The following BICRA variants were observed in gnomAD, a reference collection of about 807,000 sequenced individuals.
The protein encoded by BICRA is BRD4 interacting chromatin remodeling complex associated protein.
Under a neutral mutation model 96.9 loss-of-function variants are expected in BICRA, and 31 were observed. The ratio of observed to expected loss-of-function variants is 0.32; its 90% CI spans 0.24 to 0.43. The LOEUF is 0.43. Ranked by LOEUF, BICRA falls within the 20% of genes least tolerant of loss-of-function variation. BICRA has a pLI of 1.00. For synonymous variants in BICRA, 1,350 were observed against 1,071.8 expected (o/e 1.26, Z -5.07); for missense variants, 2,283 against 2,190.3 (o/e 1.04, Z -0.84).
rs559295966 is a variant in BICRA, at chr19:47,680,635, C to G, written c.1465C>G (p.Leu489Val). 1 of 1,610,152 alleles carries G rather than the reference C, an allele frequency of 6.2e-7. No individual in the cohort carries two copies. Among genetic ancestry groups the G allele is most frequent in the Non-Finnish European group, 8.5e-7 (1 of 1,178,434 alleles). Residue 489 changes from leucine to valine, a missense_variant, in exon 6 of 15, where the codon CTG (leucine) becomes GTG (valine). Coordinates refer to ENST00000594866, the MANE Select transcript of BICRA (RefSeq NM_001394372.1). The part of the protein sequence containing the change: ...AVQLPQQLSA[L>V]PANVGGQILA... ...CCAGCTCCCGCAGCAGCTCTCAGCCCTGCCGGCCAACGTGGGCGGGCAGAT... is the reference window on the plus strand; with the variant it reads ...CCAGCTCCCGCAGCAGCTCTCAGCCGTGCCGGCCAACGTGGGCGGGCAGAT...
intron 11 of BICRA, among the ~76,000 whole-genome samples, chr19:47,697,076 G>A (rs780355972): frequency 1.1e-4 from 17 of 152,040 alleles, no homozygotes; most frequent in Non-Finnish European, 2.2e-4. Context: ...GCACAATATT[G>A]GCTCACTGCA....
intron 1 of BICRA, among the ~76,000 whole-genome samples, chr19:47,633,786 T>G (rs1000117232): frequency 2.0e-5 from 3 of 152,170 alleles, no homozygotes; most frequent in Admixed American, 1.3e-4. Flanking sequence ...CTGTAGTGAG[T>G]CATCGGGTGA....
intron 1 of BICRA, among the ~76,000 whole-genome samples, chr19:47,667,022 C>CTTT (rs1045708307): frequency 7.0e-6 from 1 of 143,124 alleles, no homozygotes; most frequent in Non-Finnish European, 1.5e-5. Context: ...TGTCTTTTTT[C>CTTT]TTTTTTTTTT....
At chr19:47,646,421 C>A (rs928376296) in intron 1 of BICRA, among the ~76,000 whole-genome samples, 2 of 129,658 alleles carry the variant, frequency 1.5e-5, no homozygotes, top group African/African-American at 6.2e-5. Flanking sequence ...CAGCTCAGCC[C>A]GACACACATG....
intron 7 of BICRA, among the ~76,000 whole-genome samples, chr19:47,693,653 G>A (rs1308356473): frequency 2.0e-5 from 3 of 152,172 alleles, no homozygotes; most frequent in Admixed American, 6.5e-5. Context: ...GGGGGCTGGC[G>A]GCTGGGACGC....
Position 47,701,954 on chromosome 19 carries a change from A to G in BICRA, c.4222A>G (p.Arg1408Gly), listed in dbSNP as rs1973461507. The G allele has an allele frequency of 1.4e-6, 2 of 1,447,834 alleles. No individual in the cohort carries two copies. Among genetic ancestry groups the G allele is most frequent in the Non-Finnish European group, 1.8e-6 (2 of 1,110,822 alleles). The allele number at this position is 1,447,834 out of a possible 1,614,324, so 89.7% of individuals were successfully genotyped here. The change falls in exon 15 of 15, where the codon AGG becomes GGG. Residue 1408 changes from arginine to glycine, a missense_variant. Transcript: ENST00000594866. This position sits in a 1 kb window ranked among gnomAD's most constrained non-coding sequence, Gnocchi z 5.4. ...PGAPEGTPAG[R>G]ARGGSPAPLP... The stretch of plus-strand genomic sequence containing the variant: ...CGCGCCGGAGGGGACGCCCGCAGGC[A>G]GGGCACGGGGAGGCAGCCCGGCGCC...
chr19:47,681,186 T>C lies in BICRA; in HGVS notation c.2016T>C (p.Ser672=). 6.5e-7 allele frequency: 1 copy of C among 1,529,144 alleles called. No individual in the cohort carries two copies. The highest frequency in any genetic ancestry group is 8.8e-7 in the Non-Finnish European group (1 of 1,141,602). 94.7% of individuals were successfully genotyped at this position (1,529,144 alleles called of 1,614,324 possible). A position where few individuals can be genotyped will look rare whatever the true frequency, so the allele number is the denominator to read the frequency against. The change falls in exon 6 of 15, where the codon TCT becomes TCC. Residue 672 remains serine (S), a synonymous_variant. Transcript: ENST00000594866. ...TTPQPSPGLA[S]SPEKIVLGQP... is the part of the protein sequence containing the mutation. ...CCCAGCCCAGCCCTGGCCTGGCGTC[T>C]AGCCCGGAGAAGATCGTCCTGGGGC... is the stretch of plus-strand genomic sequence containing the variant.
At position 47,698,564 on chromosome 19, in the gene BICRA, GA is replaced by G; in HGVS notation, c.3249-69del. 1.3e-6 allele frequency: 1 copy of G among 741,146 alleles called. No homozygotes were observed. 45.9% of individuals were successfully genotyped at this position (741,146 alleles called of 1,614,324 possible). On this transcript the variant is annotated intron_variant, in intron 11 of 14. Transcript: ENST00000594866. The surrounding 1 kb of genome is among the most constrained non-coding windows in gnomAD (Gnocchi z 4.8). The stretch of plus-strand genomic sequence containing the variant: ...TGCGGCCTGGGGCTGAGGGTTCAGG[GA>G]CTTCCCCTGGCCCTCACCCGTCCCC...
chr19:47,680,652 C>A lies in BICRA; in HGVS notation c.1482C>A (p.Gly494=). Residue 494 remains glycine (G), a synonymous_variant, in exon 6 of 15, where the codon GGC becomes GGA. Coordinates refer to ENST00000594866, the MANE Select transcript of BICRA (RefSeq NM_001394372.1). ...QQLSALPANV[G]GQILAAAAPH... is the part of the protein sequence containing the mutation. Reference sequence around the variant, plus strand: ...TCTCAGCCCTGCCGGCCAACGTGGGCGGGCAGATCCTGGCGGCCGCTGCCC... The same window carrying A: ...TCTCAGCCCTGCCGGCCAACGTGGGAGGGCAGATCCTGGCGGCCGCTGCCC... 1 of 1,607,830 alleles carries A rather than the reference C, an allele frequency of 6.2e-7. No homozygotes were observed. Among genetic ancestry groups the A allele is most frequent in the Non-Finnish European group, 8.5e-7 (1 of 1,177,352 alleles).
chr19:47,643,749 C>T (rs999250497), intron 1 of BICRA, among the ~76,000 whole-genome samples: 4 of 152,162 alleles, frequency 2.6e-5, no homozygotes, highest in Non-Finnish European at 5.9e-5. Flanking sequence ...TCTGGACTCA[C>T]GAAATCCTGA....
At chr19:47,685,270 G>A (rs576714965) in intron 7 of BICRA, among the ~76,000 whole-genome samples, 5 of 152,238 alleles carry the variant, frequency 3.3e-5, no homozygotes, top group African/African-American at 9.6e-5. Flanking sequence ...ATGGACGTGA[G>A]CCACTGTGCC....
chr19:47,665,402 T>C (rs1388763047), intron 1 of BICRA, among the ~76,000 whole-genome samples: 1 of 152,178 alleles, frequency 6.6e-6, no homozygotes, highest in East Asian at 1.9e-4. Flanking sequence ...TGGGGGACAT[T>C]TCGGTAGAGG....
At chr19:47,664,791 C>G (rs1972752101) in intron 1 of BICRA, among the ~76,000 whole-genome samples, 1 of 152,200 alleles carries the variant, frequency 6.6e-6, no homozygotes, top group African/African-American at 2.4e-5. Context: ...GGCCACATGT[C>G]CGCCCTGTTC....
chr19:47,640,257 C>T (rs1972364009), intron 1 of BICRA, among the ~76,000 whole-genome samples: 1 of 152,152 alleles, frequency 6.6e-6, no homozygotes, highest in African/African-American at 2.4e-5. Flanking sequence ...CCTGGCTGGG[C>T]ACAATGGCTC....
At chr19:47,642,624 C>T (rs971330612) in intron 1 of BICRA, among the ~76,000 whole-genome samples, 1 of 152,108 alleles carries the variant, frequency 6.6e-6, no homozygotes, top group Non-Finnish European at 1.5e-5. Flanking sequence ...ACCTCTTGAG[C>T]CCTGGAGGTG....
In BICRA at chr19:47,685,786, T is replaced by TGTGTGTGTGTGTGTGCGC; in HGVS notation, c.2283+3635_2283+3636insTGTGTGTGTGTGTGCGCG. Among the ~76,000 whole-genome samples the TGTGTGTGTGTGTGTGCGC allele has an allele frequency of 1.5e-3, 172 of 117,962 alleles. 1 individual carries two copies. Among genetic ancestry groups the TGTGTGTGTGTGTGTGCGC allele is most frequent in the African/African-American group, 2.0e-3 (56 of 27,612 alleles). 77.4% of individuals were successfully genotyped at this position (117,962 alleles called of 152,430 possible). ...GTGTGTGTGTGTGTGTGTGTGTGTGTGCGCGCGCGCGCGCATGCGTACATT... is the reference window on the plus strand; with the variant it reads ...GTGTGTGTGTGTGTGTGTGTGTGTGTGTGTGTGTGTGTGTGCGCGCGCGCGCGCGCGCATGCGTACATT... On this transcript the variant is annotated intron_variant, in intron 7 of 14. Transcript: ENST00000594866.
chr19:47,669,529 T>C (rs1052728887), intron 1 of BICRA, among the ~76,000 whole-genome samples: 1 of 152,136 alleles, frequency 6.6e-6, no homozygotes, highest in Non-Finnish European at 1.5e-5. Flanking sequence ...ATATACTATG[T>C]GTATACATAG....
At chr19:47,671,031 C>T (rs529115178) in intron 2 of BICRA, among the ~76,000 whole-genome samples, 1 of 152,320 alleles carries the variant, frequency 6.6e-6, no homozygotes, top group South Asian at 2.1e-4. Flanking sequence ...TCTGGAGATG[C>T]ATGTGTCTCT....
intron 1 of BICRA, among the ~76,000 whole-genome samples, chr19:47,615,264 G>C (rs1971966183): frequency 6.6e-6 from 1 of 152,226 alleles, no homozygotes; most frequent in South Asian, 2.1e-4. Context: ...TTACAGGCGT[G>C]AGCCACCGTG....
Sources: gnomAD v4.1 joint callset for allele counts (sites outside exome capture counted in the v4.1 genomes callset) on GRCh38, gnomAD v4.1.1 for gene constraint, Gnocchi (gnomAD v3.1) non-coding constraint, MANE v1.5 for transcripts, NCBI Gene and HGNC (gene_info 2026-07-23, HGNC 2026-07-21) for gene names.